TRMT11: variants seen among roughly 807,000 people sequenced by gnomAD.
TRMT11 encodes the protein tRNA (guanine(10)-N(2))-methyltransferase TRMT11.
TRMT11 carries 53 observed loss-of-function variants against 62.8 expected under a neutral mutation model. The observed-to-expected ratio is 0.84, with a 90% CI of 0.68 to 1.06. The LOEUF is 1.06. Ranked by LOEUF, TRMT11 falls within the 50% of genes least tolerant of loss-of-function variation. The pLI is 0.00. For missense variants in TRMT11, 556 were observed against 553.4 expected (o/e 1.00, Z -0.05); for synonymous variants, 188 against 190.3 (o/e 0.99, Z 0.10).
At chr6:126,061,632 G>C (rs112254051) in intron 17 of TRMT11, among the ~76,000 whole-genome samples, 52 of 150,968 alleles carry the variant, frequency 3.4e-4, no homozygotes, top group African/African-American at 1.2e-3. Context: ...CTGCCCAGGT[G>C]CCTATTTCTC....
the TRMT11 span, among the ~76,000 whole-genome samples, chr6:126,213,306 A>T: frequency 6.6e-6 from 1 of 151,990 alleles, no homozygotes; most frequent in Non-Finnish European, 1.5e-5. Flanking sequence ...TATTTTGTGA[A>T]CAATGTCATT....
At chr6:126,057,755 C>A (rs1400938085) in intron 17 of TRMT11, among the ~76,000 whole-genome samples, 4 of 152,188 alleles carry the variant, frequency 2.6e-5, no homozygotes, top group African/African-American at 9.6e-5. Flanking sequence ...AACACGGCGT[C>A]TGCGTGTGAG....
intron 17 of TRMT11, among the ~76,000 whole-genome samples, chr6:126,055,748 A>G (rs1423985823): frequency 2.6e-5 from 4 of 152,168 alleles, no homozygotes; most frequent in Admixed American, 2.6e-4. Flanking sequence ...GTTTCCTCCC[A>G]TAAAGTTCTA....
At chr6:126,056,392 T>C (rs887443467) in intron 17 of TRMT11, among the ~76,000 whole-genome samples, 2 of 152,184 alleles carry the variant, frequency 1.3e-5, no homozygotes, top group African/African-American at 4.8e-5. Flanking sequence ...GGGGAGGTTA[T>C]TGGGCCAATA....
intron 21 of TRMT11, among the ~76,000 whole-genome samples, chr6:126,139,215 A>T (rs1280089026): frequency 6.6e-6 from 1 of 152,044 alleles, no homozygotes; most frequent in Non-Finnish European, 1.5e-5. Context: ...AAACTAATAC[A>T]TATATCCAGA....
At chr6:126,241,924 C>G in the TRMT11 span, among the ~76,000 whole-genome samples, 1 of 152,148 alleles carries the variant, frequency 6.6e-6, no homozygotes, top group African/African-American at 2.4e-5. Context: ...GTGTTGGAAA[C>G]TCTGGCCAGG....
intron 11 of TRMT11, among the ~76,000 whole-genome samples, chr6:126,017,860 G>A (rs1037654384): frequency 3.9e-5 from 6 of 152,208 alleles, no homozygotes; most frequent in African/African-American, 1.4e-4. Flanking sequence ...TGTGTACAGG[G>A]CATCAATCCA....
At chr6:126,095,387 G>A (rs1777329015) in intron 17 of TRMT11, among the ~76,000 whole-genome samples, 1 of 152,168 alleles carries the variant, frequency 6.6e-6, no homozygotes, top group Non-Finnish European at 1.5e-5. Context: ...CTAAGGGAGA[G>A]GGAGCCACCA....
At chr6:126,018,692 G>C (rs2127975433) in intron 11 of TRMT11, among the ~76,000 whole-genome samples, 1 of 151,728 alleles carries the variant, frequency 6.6e-6, no homozygotes, top group East Asian at 1.9e-4. Context: ...TATTAAGGAT[G>C]ATTTAGTTTT....
downstream of TRMT11, among the ~76,000 whole-genome samples, chr6:126,203,653 C>T (rs111805865): frequency 0.053 from 8,137 of 152,098 alleles, 677 homozygotes; most frequent in African/African-American, 0.18. Context: ...AAAGCTGTTA[C>T]GTACAAGCAT....
At chr6:126,084,319 G>T (rs1050870347) in intron 17 of TRMT11, among the ~76,000 whole-genome samples, 1 of 152,100 alleles carries the variant, frequency 6.6e-6, no homozygotes, top group East Asian at 1.9e-4. Flanking sequence ...TGGTGGTTTT[G>T]ATTTGCATAT....
the TRMT11 span, among the ~76,000 whole-genome samples, chr6:126,212,895 T>C: frequency 3.3e-5 from 5 of 152,126 alleles, no homozygotes; most frequent in African/African-American, 1.2e-4. Flanking sequence ...ATTAGTTTCA[T>C]AGTTTGAGGT....
intron 7 of TRMT11, among the ~76,000 whole-genome samples, chr6:126,007,936 T>C (rs766063543): frequency 7.2e-5 from 11 of 152,060 alleles, no homozygotes; most frequent in Non-Finnish European, 1.5e-4. Context: ...AGAACTAATG[T>C]CTCACATAGT....
intron 21 of TRMT11, among the ~76,000 whole-genome samples, chr6:126,147,671 G>A (rs897459646): frequency 6.6e-6 from 1 of 152,180 alleles, no homozygotes; most frequent in Non-Finnish European, 1.5e-5. Context: ...GTCACAGACT[G>A]TGAAGGAAGC....
intron 11 of TRMT11, among the ~76,000 whole-genome samples, chr6:126,016,321 T>C (rs1005825175): frequency 3.9e-5 from 6 of 152,210 alleles, no homozygotes; most frequent in African/African-American, 1.4e-4. Flanking sequence ...CAGTATTTTG[T>C]TGCTCAAATT....
At chr6:126,040,633 C>A (rs1477732955), downstream of TRMT11, among the ~76,000 whole-genome samples, 1 of 152,064 alleles carries the variant, frequency 6.6e-6, no homozygotes, top group Non-Finnish European at 1.5e-5. Context: ...ACAATATCAC[C>A]TAGCAAATTG....
At chr6:126,087,463 G>A (rs1354571466) in intron 17 of TRMT11, among the ~76,000 whole-genome samples, 1 of 152,170 alleles carries the variant, frequency 6.6e-6, no homozygotes, top group Admixed American at 6.5e-5. Context: ...AAAATAAAAT[G>A]TCAAGAAGCC....
chr6:126,197,247 C>T (rs573966183), intron 1 of TRMT11, among the ~76,000 whole-genome samples: 5 of 152,246 alleles, frequency 3.3e-5, no homozygotes, highest in Admixed American at 3.3e-4. Context: ...TACCAGTTTC[C>T]AATATCTGTT....
chr6:126,164,970 C>G (rs1778241039), intron 21 of TRMT11, among the ~76,000 whole-genome samples: 1 of 152,092 alleles, frequency 6.6e-6, no homozygotes, highest in Admixed American at 6.5e-5. Context: ...GGCACTTAGT[C>G]CATTTACATG....
Sources: gnomAD v4.1 joint callset for allele counts (sites outside exome capture counted in the v4.1 genomes callset) on GRCh38, gnomAD v4.1.1 for gene constraint, MANE v1.5 for transcripts, NCBI Gene and HGNC (gene_info 2026-07-23, HGNC 2026-07-21) for gene names.